The following RUNX1T1 variants were observed in gnomAD, a reference collection of about 807,000 sequenced individuals.
The protein encoded by RUNX1T1 is RUNX1 partner transcriptional co-repressor 1, also known as protein CBFA2T1.
In RUNX1T1, 4 loss-of-function variants were observed where a neutral mutation model predicts 62.8. The ratio of observed to expected loss-of-function variants is 0.06; its 90% confidence interval spans 0.03 to 0.15. RUNX1T1 has a LOEUF of 0.15. RUNX1T1 is among the 10% of genes least tolerant of loss of function. The pLI is 1.00. For synonymous variants in RUNX1T1, 291 were observed against 286.0 expected, an observed-to-expected ratio of 1.02 and a Z score of -0.18; for missense variants, 508 against 754.3, an observed-to-expected ratio of 0.67 and a Z score of 3.82.
At chr8:92,085,011 C>G (rs1156712074) in intron 1 of RUNX1T1, among the ~76,000 whole-genome samples, 1 of 152,190 alleles carries the variant, frequency 6.6e-6, no homozygotes, top group Admixed American at 6.5e-5. Flanking sequence ...AAAAAGCAAC[C>G]CTTTACTGAA....
intron 8 of RUNX1T1, chr8:91,976,183 C>G: frequency 1.9e-6 from 1 of 518,542 alleles, no homozygotes; most frequent in Non-Finnish European, 3.5e-6. Flanking sequence ...GGTCATTGGT[C>G]TAAATGCCAT....
chr8:91,972,102 A>T (rs1301266841), intron 9 of RUNX1T1, among the ~76,000 whole-genome samples: 1 of 152,148 alleles, frequency 6.6e-6, no homozygotes, highest in Non-Finnish European at 1.5e-5. Flanking sequence ...CACCCACTTA[A>T]AAAGCACCTT....
intron 5 of RUNX1T1, among the ~76,000 whole-genome samples, chr8:92,000,309 T>A (rs1389356619): frequency 1.3e-5 from 2 of 151,960 alleles, no homozygotes; most frequent in Admixed American, 6.6e-5. Flanking sequence ...TCAAAAAAAA[T>A]AAATAAATAA....
intron 10 of RUNX1T1, among the ~76,000 whole-genome samples, chr8:91,962,147 G>A (rs943056147): frequency 6.6e-6 from 1 of 152,216 alleles, no homozygotes; most frequent in Admixed American, 6.5e-5. Flanking sequence ...GCTGGCATGT[G>A]CTGAAAGCCT....
intron 1 of RUNX1T1, among the ~76,000 whole-genome samples, chr8:92,018,361 T>G (rs1157124179): frequency 6.6e-6 from 1 of 152,208 alleles, no homozygotes; most frequent in Non-Finnish European, 1.5e-5. Context: ...AGAATAAAAA[T>G]AATCATCATT....
At chr8:92,095,394 C>T in intron 1 of RUNX1T1, 2 of 1,535,560 alleles carry the variant, frequency 1.3e-6, no homozygotes, top group Non-Finnish European at 1.7e-6. Context: ...AGGCGGCACC[C>T]AGACCGCGGC....
chr8:92,068,703 G>A (rs1833236707), intron 2 of RUNX1T1, among the ~76,000 whole-genome samples: 2 of 151,854 alleles, frequency 1.3e-5, no homozygotes, highest in South Asian at 2.1e-4. Flanking sequence ...GAGACTGCAG[G>A]AGAAAAAAAG....
chr8:92,030,041 T>C (rs6992515), intron 1 of RUNX1T1, among the ~76,000 whole-genome samples: 33,021 of 152,036 alleles, frequency 0.22, 3,682 homozygotes, highest in Middle Eastern at 0.27. Context: ...ACAACCTAGA[T>C]AGATTTAATA....
chr8:92,036,645 T>C (rs1168276651), intron 1 of RUNX1T1, among the ~76,000 whole-genome samples: 1 of 152,220 alleles, frequency 6.6e-6, no homozygotes, highest in African/African-American at 2.4e-5. Context: ...TGAAGCCTAA[T>C]AAACCATTAC....
chr8:92,058,129 C>A (rs553276596), intron 1 of RUNX1T1, among the ~76,000 whole-genome samples: 1 of 152,198 alleles, frequency 6.6e-6, no homozygotes, highest in South Asian at 2.1e-4. Context: ...TATGTTCAGG[C>A]CCTGTTTACT....
At chr8:91,992,466 T>A (rs1183228439) in intron 5 of RUNX1T1, among the ~76,000 whole-genome samples, 1 of 152,226 alleles carries the variant, frequency 6.6e-6, no homozygotes, top group Non-Finnish European at 1.5e-5. Context: ...CCACATTTCA[T>A]GTGCTCAACA....
At chr8:92,077,503 T>C (rs367645078) in intron 1 of RUNX1T1, among the ~76,000 whole-genome samples, 9 of 152,116 alleles carry the variant, frequency 5.9e-5, no homozygotes, top group South Asian at 2.1e-4. Flanking sequence ...AATATGATTA[T>C]TTCTGGAAGA....
rs567082440 is a variant in RUNX1T1 at position 91,976,662 on chromosome 8, A to T, written c.1199-689T>A. Among the ~76,000 whole-genome samples the T allele has an allele frequency of 3.3e-5, 5 of 152,350 alleles. No individual in the cohort carries two copies. The South Asian group carries it at 1.0e-3, about 32-fold the overall frequency. ...TGCTTACTAGGCGTCTCAAATTTTAAAAGTTTAAGAAAACAACTAATAACT... is the reference window on the plus strand; with the variant it reads ...TGCTTACTAGGCGTCTCAAATTTTATAAGTTTAAGAAAACAACTAATAACT... On this transcript the variant is annotated intron_variant, in intron 8 of 10. Transcript: ENST00000396218.
At chr8:91,988,369 A>G (rs1054922467) in intron 6 of RUNX1T1, among the ~76,000 whole-genome samples, 1 of 152,164 alleles carries the variant, frequency 6.6e-6, no homozygotes, top group African/African-American at 2.4e-5. Flanking sequence ...TAAAAAAGTA[A>G]AAGTGCAAAT....
intron 10 of RUNX1T1, among the ~76,000 whole-genome samples, chr8:91,966,503 T>C (rs1245657089): frequency 1.3e-5 from 2 of 152,198 alleles, no homozygotes; most frequent in East Asian, 1.9e-4. Context: ...TCACTTGCAG[T>C]TTCTTGCTTC....
intron 1 of RUNX1T1, among the ~76,000 whole-genome samples, chr8:92,085,930 T>C (rs978775063): frequency 2.0e-5 from 3 of 152,232 alleles, no homozygotes; most frequent in Admixed American, 1.3e-4. Context: ...CAGCACATCA[T>C]AGTATTTAGT....
At chr8:92,005,275 C>T (rs781054558) in exon 5 of RUNX1T1, 2 of 1,612,108 alleles carry the variant, frequency 1.2e-6, no homozygotes, top group Non-Finnish European at 1.7e-6. Flanking sequence ...GAGGAGCTCA[C>T]GCTGCAGCAG....
At chr8:91,961,809 T>C (rs552072822) in intron 10 of RUNX1T1, among the ~76,000 whole-genome samples, 77 of 152,352 alleles carry the variant, frequency 5.1e-4, no homozygotes, top group Non-Finnish European at 9.9e-4. Context: ...TTTAACTTCA[T>C]TGGTTTTGAT....
chr8:92,046,339 G>A (rs1327070285), intron 1 of RUNX1T1, among the ~76,000 whole-genome samples: 1 of 152,010 alleles, frequency 6.6e-6, no homozygotes, highest in Non-Finnish European at 1.5e-5. Flanking sequence ...ATGCCCCTTA[G>A]TATGAACACA....
Sources: gnomAD v4.1 joint callset for allele counts (sites outside exome capture counted in the v4.1 genomes callset) on GRCh38, gnomAD v4.1.1 for gene constraint, MANE v1.5 for transcripts, NCBI Gene and HGNC (gene_info 2026-07-23, HGNC 2026-07-21) for gene names.